DYRK4: variants seen among roughly 807,000 people sequenced by gnomAD.
DYRK4 encodes dual specificity tyrosine-phosphorylation-regulated kinase 4.
DYRK4 carries 64 observed loss-of-function variants against 68.3 expected under a neutral mutation model. That is an observed-to-expected ratio of 0.94 (90% CI 0.77 to 1.15). The LOEUF (loss-of-function observed/expected upper bound fraction) is 1.15. Ranked by LOEUF, DYRK4 falls within the 50% of genes most tolerant of loss-of-function variation. The probability of loss-of-function intolerance (pLI) is 0.00; values close to 1 mark genes in which losing one functional copy is unlikely to be tolerated. For missense variants in DYRK4, 740 were observed against 764.7 expected (o/e 0.97, Z 0.38); for synonymous variants, 274 against 289.9 (o/e 0.95, Z 0.56).
chr12:4,594,759 T>C (rs1039092586), intron 6 of DYRK4, among the ~76,000 whole-genome samples: 18 of 151,932 alleles, frequency 1.2e-4, no homozygotes, highest in Admixed American at 5.2e-4. Flanking sequence ...ACAATGTGTG[T>C]TCTCCGTAAG....
intron 13 of DYRK4, chr12:4,610,630 T>C (rs1668840363): frequency 6.1e-6 from 1 of 162,720 alleles, no homozygotes; most frequent in South Asian, 2.0e-4. Context: ...CAGTCCTAAA[T>C]GTCTTCTGCT....
chr12:4,588,952 TC>T lies in DYRK4; in HGVS notation c.149del (p.Ser50TrpfsTer16). 1 of 1,536,114 alleles carries T rather than the reference TC, an allele frequency of 6.5e-7. No individual in the cohort carries two copies. The highest frequency in any genetic ancestry group is 1.2e-5 in the South Asian group (1 of 84,066). ...CTTGATCCAGGTTGGAAGTAAACTT[TC>T]GGTTCAGATCCAGAAGCCACCTTCC... ...FTSAKVGSKLSVQIQKPPSNI... is the reference protein window; with the variant it reads ...FTSAKVGSKLXVQIQKPPSNI... On this transcript the variant is annotated frameshift_variant, in exon 3 of 15. Coordinates refer to ENST00000543431, the MANE Select transcript of DYRK4 (RefSeq NM_001394779.1). LOFTEE classifies it high-confidence loss of function.
chr12:4,573,951 C>A (rs12303902), intron 2 of DYRK4, among the ~76,000 whole-genome samples: 6 of 152,280 alleles, frequency 3.9e-5, no homozygotes, highest in African/African-American at 1.4e-4. Context: ...CCAGGCCCCG[C>A]GCAGTGGCTC....
At chr12:4,603,251 G>T (rs1163726567) in intron 10 of DYRK4, 1 of 917,392 alleles carries the variant, frequency 1.1e-6, no homozygotes, top group Non-Finnish European at 1.8e-6. Flanking sequence ...TTCTATTACT[G>T]TTTCATTCTC....
intron 12 of DYRK4, among the ~76,000 whole-genome samples, chr12:4,609,022 C>G (rs1945187260): frequency 6.6e-6 from 1 of 152,162 alleles, no homozygotes; most frequent in African/African-American, 2.4e-5. Flanking sequence ...ATATCTTGAG[C>G]CTGTAACTCT....
intron 2 of DYRK4, among the ~76,000 whole-genome samples, chr12:4,577,917 T>G (rs1944805050): frequency 6.6e-6 from 1 of 152,230 alleles, no homozygotes; most frequent in African/African-American, 2.4e-5. Flanking sequence ...CACTTTTAAT[T>G]TCAAATTCCA....
At chr12:4,579,792 A>G (rs564393347) in intron 2 of DYRK4, among the ~76,000 whole-genome samples, 2 of 152,362 alleles carry the variant, frequency 1.3e-5, no homozygotes, top group East Asian at 1.9e-4. Context: ...TTCAGGCACT[A>G]TCAGAATAAA....
intron 2 of DYRK4, among the ~76,000 whole-genome samples, chr12:4,571,316 T>A (rs181043806): frequency 5.2e-5 from 8 of 152,394 alleles, no homozygotes; most frequent in African/African-American, 1.2e-4. Flanking sequence ...TGTTAATTTC[T>A]TAGATCCTTT....
At chr12:4,599,240 C>A in intron 9 of DYRK4, 74 bp downstream of exon 9, 25 of 1,155,498 alleles carry the variant, frequency 2.2e-5, no homozygotes, top group Non-Finnish European at 2.7e-5. Flanking sequence ...GTGTAACAAT[C>A]ACAAACTCCA....
At chr12:4,588,281 G>A (rs139457354) in intron 2 of DYRK4, among the ~76,000 whole-genome samples, 37 of 152,014 alleles carry the variant, frequency 2.4e-4, no homozygotes, top group Non-Finnish European at 4.3e-4. Context: ...CAACCACAAC[G>A]TTACAAGTTC....
chr12:4,613,602 A>G lies in DYRK4; in HGVS notation c.1754A>G (p.Gln585Arg), dbSNP rs765652115. 1 of 1,614,210 alleles carries G rather than the reference A, an allele frequency of 6.2e-7. No homozygotes were observed. The highest frequency in any genetic ancestry group is 8.5e-7 in the Non-Finnish European group (1 of 1,180,008). The change falls in exon 15 of 15, where the codon CAG (glutamine) becomes CGG (arginine). Residue 585 changes from glutamine (Q) to arginine (R), a missense_variant. Transcript: ENST00000543431. The surrounding 1 kb of genome is among the most constrained non-coding windows in gnomAD (Gnocchi z 4.0). ...QHSGDQQDCL[Q>R]HGADTVQLPQ... ...TCAGGTGATCAGCAGGACTGTCTCC[A>G]GCACGGAGCTGACACTGTTCAGCTG...
At chr12:4,577,508 C>T (rs1565533757) in intron 2 of DYRK4, among the ~76,000 whole-genome samples, 6 of 152,210 alleles carry the variant, frequency 3.9e-5, no homozygotes, top group Admixed American at 2.6e-4. Context: ...GTTCTTTCTT[C>T]AGTGCCACAC....
intron 12 of DYRK4, among the ~76,000 whole-genome samples, chr12:4,608,936 G>A (rs1190241823): frequency 6.6e-6 from 1 of 152,170 alleles, no homozygotes; most frequent in Non-Finnish European, 1.5e-5. Context: ...CTGGTCTTTG[G>A]ATCCCAAATA....
At chr12:4,562,373 G>A in intron 1 of DYRK4, 90 bp downstream of exon 1, 1 of 1,455,346 alleles carries the variant, frequency 6.9e-7, no homozygotes, top group Non-Finnish European at 9.1e-7. Context: ...GTCGTGGGGG[G>A]AGAATGAAAA....
intron 5 of DYRK4, 121 bp from the exon 6 acceptor site, chr12:4,592,877 CAGTG>C: frequency 8.6e-7 from 1 of 1,162,382 alleles, no homozygotes; most frequent in Non-Finnish European, 1.2e-6. Context: ...GCAGGGTCCT[CAGTG>C]AGCCACCCAG....
chr12:4,571,355 C>T (rs1200955223), intron 2 of DYRK4, among the ~76,000 whole-genome samples: 3 of 152,182 alleles, frequency 2.0e-5, no homozygotes, highest in Non-Finnish European at 2.9e-5. Context: ...ATGCCACCTC[C>T]TTAGAGAGGC....
At chr12:4,600,049 C>CT (rs1286968149) in intron 10 of DYRK4, among the ~76,000 whole-genome samples, 1 of 152,174 alleles carries the variant, frequency 6.6e-6, no homozygotes. Flanking sequence ...CCAAAACTAA[C>CT]TAACTGTGTA....
chr12:4,589,031 G>A lies in DYRK4; in HGVS notation c.213+14G>A, dbSNP rs1944925886. ...GTCTTTCATAAGGTAGGGAGTGATGGTCAGCTCCTTTTCTCTAGGAGAGAA... is the reference window on the plus strand; with the variant it reads ...GTCTTTCATAAGGTAGGGAGTGATGATCAGCTCCTTTTCTCTAGGAGAGAA... On this transcript the variant is annotated intron_variant, in intron 3 of 14. Transcript: ENST00000543431. 4 of 1,535,516 alleles carry A rather than the reference G, an allele frequency of 2.6e-6. No homozygotes were observed. Among genetic ancestry groups the A allele is most frequent in the African/African-American group, 1.4e-5 (1 of 73,010 alleles).
At chr12:4,575,045 C>T (rs1374917351) in intron 2 of DYRK4, among the ~76,000 whole-genome samples, 1 of 152,092 alleles carries the variant, frequency 6.6e-6, no homozygotes, top group Non-Finnish European at 1.5e-5. Flanking sequence ...AATGATGCTG[C>T]TATGAGCATT....
Sources: allele counts gnomAD v4.1 joint callset (sites outside exome capture counted in the v4.1 genomes callset), GRCh38; gene constraint gnomAD v4.1.1; non-coding constraint Gnocchi (gnomAD v3.1); transcripts MANE v1.5; gene names NCBI Gene and HGNC (gene_info 2026-07-23, HGNC 2026-07-21).